Variants in VPS45 observed in about 807,000 individuals in gnomAD.
The protein encoded by VPS45 is vacuolar protein sorting 45 homolog, also known as vacuolar protein sorting-associated protein 45.
A neutral mutation model predicts 75.9 loss-of-function variants in VPS45; 35 were observed. That is an observed-to-expected ratio of 0.46 (90% CI 0.35 to 0.61). The LOEUF (loss-of-function observed/expected upper bound fraction) is 0.61, where lower values mean the gene tolerates loss of function less well. Ranked by LOEUF, VPS45 falls within the 20% of genes least tolerant of loss-of-function variation. The pLI is 0.00. For missense variants in VPS45, 559 were observed against 685.9 expected (o/e 0.81, Z 2.07); for synonymous variants, 220 against 238.2 (o/e 0.92, Z 0.70).
chr1:150,102,081 TAAAA>T (rs36120043), intron 13 of VPS45, among the ~76,000 whole-genome samples: 1 of 150,402 alleles, frequency 6.6e-6, no homozygotes, highest in East Asian at 2.0e-4. Context: ...TACTAAAAAA[TAAAA>T]AAATTAGCCA....
At chr1:150,088,728 A>G (rs1308880953) in intron 10 of VPS45, among the ~76,000 whole-genome samples, 3 of 151,946 alleles carry the variant, frequency 2.0e-5, no homozygotes, top group Admixed American at 1.3e-4. Context: ...GTCCACCTGC[A>G]TCGGCCTCCC....
intron 14 of VPS45, among the ~76,000 whole-genome samples, chr1:150,133,981 C>CTTTGT (rs201487078): frequency 0.019 from 2,843 of 152,158 alleles, 31 homozygotes; most frequent in Non-Finnish European, 0.026. Context: ...CTGTTTGCTT[C>CTTTGT]TTTGTTTTGT....
At chr1:150,118,364 A>T (rs12741047) in intron 14 of VPS45, among the ~76,000 whole-genome samples, 1 of 151,782 alleles carries the variant, frequency 6.6e-6, no homozygotes, top group Admixed American at 6.6e-5. Flanking sequence ...AAAATGAAAC[A>T]TCTAGGGTTT....
intron 14 of VPS45, among the ~76,000 whole-genome samples, chr1:150,140,386 G>GGTTTGTGTGTGTGT (rs1247879886): frequency 7.1e-5 from 10 of 140,432 alleles, no homozygotes; most frequent in African/African-American, 1.6e-4. Context: ...CATCACTTCT[G>GGTTTGTGTGTGTGT]GTGTGTGTGT....
Position 150,110,642 on chromosome 1 carries a change from T to C in VPS45, c.1625+15T>C, listed in dbSNP as rs782418643. 2 of 1,598,848 alleles carry C rather than the reference T, an allele frequency of 1.3e-6. No individual in the cohort carries two copies. Among genetic ancestry groups the C allele is most frequent in the East Asian group, 2.2e-5 (1 of 44,668 alleles). On this transcript the variant is annotated intron_variant, in intron 14 of 14. Transcript: ENST00000644510. Reference sequence around the variant, plus strand: ...AACACGAAAAGGTAAAAGAGAACATTCATTCTACAACTGTGTCCTCTTTCC... The same window carrying C: ...AACACGAAAAGGTAAAAGAGAACATCCATTCTACAACTGTGTCCTCTTTCC...
chr1:150,081,364 A>G lies in VPS45; in HGVS notation c.710A>G (p.His237Arg). Reference sequence around the variant, plus strand: ...TAGTGGACATATCAGGCCATGGTCCACGAACTACTAGGCATAAACAACAAT... The same window carrying G: ...TAGTGGACATATCAGGCCATGGTCCGCGAACTACTAGGCATAAACAACAAT... The part of the protein sequence containing the change: ...LNQWTYQAMV[H>R]ELLGINNNRI... The change falls in exon 8 of 15, where the codon CAC becomes CGC. Residue 237 changes from histidine (H) to arginine (R), a missense_variant. Physicochemically the swap from His to Arg is conservative, Grantham distance 29 (BLOSUM62 0). Coordinates refer to ENST00000644510, the MANE Select transcript of VPS45 (RefSeq NM_007259.5). 6.2e-7 allele frequency: 1 copy of G among 1,607,368 alleles called. No homozygotes were observed. Among genetic ancestry groups the G allele is most frequent in the Non-Finnish European group, 8.5e-7 (1 of 1,177,990 alleles).
Position 150,075,916 on chromosome 1 carries a change from A to ATT in VPS45, c.290-309_290-308dup, listed in dbSNP as rs1425402129. Among the ~76,000 whole-genome samples, 46 of 148,974 alleles carry ATT rather than the reference A, an allele frequency of 3.1e-4. 1 individual carries two copies. The highest frequency in any genetic ancestry group is 1.9e-3 in the Admixed American group (29 of 14,956). ...AGGCGTCCGCCACCACGCCCAGCTA[A>ATT]TTTTTTTTTGTATTTTTAGTAGAGA... is the stretch of plus-strand genomic sequence containing the variant. On this transcript the variant is annotated intron_variant, in intron 3 of 14. Coordinates refer to ENST00000644510, the MANE Select transcript of VPS45 (RefSeq NM_007259.5).
rs1338335264 is a variant in VPS45 at position 150,142,057 on chromosome 1, C to T, written c.1626-2652C>T. ...CATTCGCCATAATTTTTTAAGCATTCTGAGCAATGACTCATTAGAGTCCCC... is the reference window on the plus strand; with the variant it reads ...CATTCGCCATAATTTTTTAAGCATTTTGAGCAATGACTCATTAGAGTCCCC... On this transcript the variant is annotated intron_variant, in intron 14 of 14. Coordinates refer to ENST00000644510, the MANE Select transcript of VPS45 (RefSeq NM_007259.5). Among the ~76,000 whole-genome samples, 3 of 152,048 alleles carry T rather than the reference C, an allele frequency of 2.0e-5. No individual in the cohort carries two copies. In the East Asian group the frequency reaches 5.8e-4, roughly 29 times the overall value.
chr1:150,089,305 A>G (rs919099185), intron 10 of VPS45, among the ~76,000 whole-genome samples: 4 of 152,194 alleles, frequency 2.6e-5, no homozygotes, highest in African/African-American at 9.7e-5. Flanking sequence ...CTATAAGAAA[A>G]GTAACAACAG....
Position 150,100,314 on chromosome 1 carries a change from C to T in VPS45, c.1493+6666C>T, listed in dbSNP as rs181241753. On this transcript the variant is annotated intron_variant, in intron 13 of 14. Transcript: ENST00000644510. Reference sequence around the variant, plus strand: ...GCTCTACAGTGAGAATTACAAAACACTGTTCAAAGAAATTAGAGAAGCCAC... The same window carrying T: ...GCTCTACAGTGAGAATTACAAAACATTGTTCAAAGAAATTAGAGAAGCCAC... Among the ~76,000 whole-genome samples, 929 of 152,284 alleles carry T rather than the reference C, an allele frequency of 6.1e-3. 44 individuals are homozygous for T. Among genetic ancestry groups the T allele is most frequent in the Admixed American group, 0.057 (864 of 15,292 alleles).
At chr1:150,105,359 ACT>A (rs1294272906) in intron 13 of VPS45, among the ~76,000 whole-genome samples, 2 of 152,244 alleles carry the variant, frequency 1.3e-5, no homozygotes, top group Non-Finnish European at 2.9e-5. Flanking sequence ...AGGATTATAT[ACT>A]TAGAAAACCC....
upstream of VPS45, chr1:150,067,564 T>G: frequency 1.3e-5 from 5 of 390,974 alleles, no homozygotes; most frequent in Non-Finnish European, 1.4e-5. Flanking sequence ...CAAAGGGCAA[T>G]AGGGGTCTGA....
At position 150,067,856 on chromosome 1, in the gene VPS45, C is replaced by G. The variant is rs1392347400; in HGVS notation, c.-2C>G. The G allele has an allele frequency of 6.2e-7, 1 of 1,613,876 alleles. No individual in the cohort carries two copies. Among genetic ancestry groups the G allele is most frequent in the African/African-American group, 1.3e-5 (1 of 74,928 alleles). On this transcript the variant is annotated 5_prime_UTR_variant, in exon 1 of 15. Coordinates refer to ENST00000644510, the MANE Select transcript of VPS45 (RefSeq NM_007259.5). ...CTGTAGGGTACTTGTCAATTCGCCG[C>G]CATGAACGTGGTTTTTGCTGTGAAG...
chr1:150,067,674 G>C (rs1311261323), upstream of VPS45: 3 of 550,708 alleles, frequency 5.4e-6, no homozygotes, highest in East Asian at 6.2e-5. Context: ...TTCCATCCCC[G>C]GGGTAGGCTT....
At chr1:150,068,055 G>A (rs1345424736) in intron 1 of VPS45, 105 bp downstream of exon 1, 3 of 1,219,964 alleles carry the variant, frequency 2.5e-6, no homozygotes, top group Non-Finnish European at 3.5e-6. Context: ...ATACGAAAAT[G>A]AGGGTCGGTT....
intron 14 of VPS45, among the ~76,000 whole-genome samples, chr1:150,122,502 TG>T (rs1461792110): frequency 1.3e-5 from 2 of 151,858 alleles, no homozygotes; most frequent in Non-Finnish European, 2.9e-5. Flanking sequence ...CATCAATACC[TG>T]GGGCTGTTCC....
intron 13 of VPS45, among the ~76,000 whole-genome samples, chr1:150,104,307 C>G (rs1657200141): frequency 6.6e-6 from 1 of 152,126 alleles, no homozygotes; most frequent in Admixed American, 6.5e-5. Context: ...AGATAATGGC[C>G]TCTTGCTCCA....
chr1:150,110,481 T>C lies in VPS45; in HGVS notation c.1494-15T>C, dbSNP rs1657587753. 4 of 1,601,514 alleles carry C rather than the reference T, an allele frequency of 2.5e-6. No homozygotes were observed. In the East Asian group the frequency reaches 9.0e-5, roughly 36 times the overall value. ...TTCTTATCCTGTGATAATATCTCAT[T>C]CTTCATTATTGCAGACCTCAGGATA... On this transcript the variant is annotated splice_polypyrimidine_tract_variant and intron_variant, in intron 13 of 14. Coordinates refer to ENST00000644510, the MANE Select transcript of VPS45 (RefSeq NM_007259.5).
rs587706991 is a variant in VPS45 at position 150,124,414 on chromosome 1, G to A, written c.1625+13787G>A. On this transcript the variant is annotated intron_variant, in intron 14 of 14. Transcript: ENST00000644510. ...GCAGAGGTTACAGTAAGCCGAGATC[G>A]CGCCACTGCACTCCAGCCTGGGTGA... 1.6e-4 allele frequency among the ~76,000 whole-genome samples: 24 copies of A among 151,932 alleles called. No individual in the cohort carries two copies. The South Asian group carries it at 2.1e-3, about 13-fold the overall frequency.
Sources: gnomAD v4.1 joint callset for allele counts (sites outside exome capture counted in the v4.1 genomes callset) on GRCh38, gnomAD v4.1.1 for gene constraint, MANE v1.5 for transcripts, NCBI Gene and HGNC (gene_info 2026-07-23, HGNC 2026-07-21) for gene names.